Variants in PARPBP observed in about 807,000 individuals in gnomAD.
PARPBP encodes the protein PARP1 binding protein.
In PARPBP, 52 loss-of-function variants were observed where a neutral mutation model predicts 50.0. The observed-to-expected ratio is 1.04, with a 90% CI of 0.83 to 1.31. The LOEUF is 1.31. Among genes scored for constraint, PARPBP ranks in the 50% most tolerant of loss-of-function variants. PARPBP has a pLI of 0.00. For synonymous variants in PARPBP, 244 were observed against 232.1 expected (o/e 1.05, Z -0.47); for missense variants, 697 against 672.0 (o/e 1.04, Z -0.41).
chr12:102,148,530 A>T (rs1172689099), intron 3 of PARPBP, 67 bp downstream of exon 3: 2 of 610,348 alleles, frequency 3.3e-6, no homozygotes, highest in Non-Finnish European at 5.4e-6. Flanking sequence ...TTTGAATTAT[A>T]GTATCACCAG....
rs1484481323 is a variant in PARPBP, at chr12:102,165,774, T to C, written c.712T>C (p.Tyr238His). The change falls in exon 6 of 11, where the codon TAT becomes CAT. Residue 238 changes from tyrosine to histidine, a missense_variant. By Grantham distance (83) the Tyr-to-His change is moderately conservative. Transcript: ENST00000327680. ...IRTIELGGKG[Y>H]APPPSDPLRT... is the part of the protein sequence containing the mutation. ...AACAATAGAGCTTGGAGGGAAAGGA[T>C]ATGCACCACCACCATCAGATCCTTT... 1 of 1,607,882 alleles carries C rather than the reference T, an allele frequency of 6.2e-7. No individual in the cohort carries two copies. Among genetic ancestry groups the C allele is most frequent in the Non-Finnish European group, 8.5e-7 (1 of 1,175,082 alleles).
At chr12:102,164,769 C>A (rs1887965714) in intron 5 of PARPBP, 161 bp downstream of exon 5, 1 of 647,940 alleles carries the variant, frequency 1.5e-6, no homozygotes, top group Non-Finnish European at 2.7e-6. Flanking sequence ...CCATATCGTT[C>A]AAGTTTGGTA....
chr12:102,155,595 G>GGA (rs199711656), intron 4 of PARPBP, among the ~76,000 whole-genome samples: 711 of 29,156 alleles, frequency 0.024, 18 homozygotes, highest in East Asian at 0.07. Flanking sequence ...AGAGCATGGT[G>GGA]GGGGGGGGGG....
At chr12:102,153,020 T>TA (rs1188800785) in intron 3 of PARPBP, among the ~76,000 whole-genome samples, 2 of 151,174 alleles carry the variant, frequency 1.3e-5, no homozygotes, top group Non-Finnish European at 2.9e-5. Context: ...TTGATATAAA[T>TA]ATATTTGTTA....
intron 3 of PARPBP, 22 bp downstream of exon 3, chr12:102,148,485 C>A: frequency 1.1e-6 from 1 of 896,436 alleles, no homozygotes; most frequent in Non-Finnish European, 1.7e-6. Flanking sequence ...TTAAACAATT[C>A]TATTTTAATC....
intron 2 of PARPBP, among the ~76,000 whole-genome samples, chr12:102,140,481 C>T (rs1436842576): frequency 6.6e-6 from 1 of 152,114 alleles, no homozygotes; most frequent in East Asian, 1.9e-4. Context: ...GTCTCTATTT[C>T]CTTCAGTTGT....
intron 5 of PARPBP, among the ~76,000 whole-genome samples, chr12:102,164,971 A>G (rs1023746002): frequency 1.3e-5 from 2 of 152,320 alleles, no homozygotes; most frequent in East Asian, 3.9e-4. Flanking sequence ...CCATGATTGT[A>G]TATAAGAGCT....
chr12:102,176,966 A>C (rs1390639251), intron 7 of PARPBP, among the ~76,000 whole-genome samples: 1 of 152,254 alleles, frequency 6.6e-6, no homozygotes, highest in Non-Finnish European at 1.5e-5. Context: ...AATTAAAAAC[A>C]TCAATTGCTT....
chr12:102,133,859 G>A (rs1473931180), intron 2 of PARPBP, among the ~76,000 whole-genome samples: 2 of 151,904 alleles, frequency 1.3e-5, no homozygotes, highest in Admixed American at 6.6e-5. Flanking sequence ...TAACAAACAC[G>A]TGGAAATTAA....
intron 2 of PARPBP, among the ~76,000 whole-genome samples, chr12:102,132,384 A>G (rs1202517877): frequency 1.3e-5 from 2 of 152,320 alleles, no homozygotes; most frequent in East Asian, 1.9e-4. Flanking sequence ...GTAGATACCC[A>G]GTTGTCCAAC....
At chr12:102,127,245 A>C (rs1253110250) in intron 2 of PARPBP, among the ~76,000 whole-genome samples, 1 of 152,002 alleles carries the variant, frequency 6.6e-6, no homozygotes, top group African/African-American at 2.4e-5. Flanking sequence ...AAAATACAAA[A>C]ATTAGCTGGG....
intron 3 of PARPBP, chr12:102,151,696 C>T (rs1453043001): frequency 7.2e-6 from 11 of 1,535,662 alleles, no homozygotes; most frequent in South Asian, 1.2e-5. Context: ...GGGAGAGTCC[C>T]TCTTAGCATG....
chr12:102,168,552 A>G (rs958529065), intron 6 of PARPBP, among the ~76,000 whole-genome samples: 4 of 152,184 alleles, frequency 2.6e-5, no homozygotes, highest in African/African-American at 9.7e-5. Context: ...TATAAATAAA[A>G]TAAAATTATT....
rs769681697 is a variant in PARPBP, at chr12:102,178,719, A to T, written c.1133A>T (p.Asp378Val). The change falls in exon 8 of 11, where the codon GAT becomes GTT. Residue 378 changes from aspartate (D) to valine (V), a missense_variant. Coordinates refer to ENST00000327680, the MANE Select transcript of PARPBP (RefSeq NM_017915.5). ...PTKNKAELLY[D>V]EENTIHHHGT... is the part of the protein sequence containing the mutation. ...AAAAACAAAGCAGAGCTTTTATATG[A>T]TGAGGAAAACACAATCCATCATCAT... 3 of 1,613,384 alleles carry T rather than the reference A, an allele frequency of 1.9e-6. No individual in the cohort carries two copies. The South Asian group carries it at 3.3e-5, about 18-fold the overall frequency.
chr12:102,138,926 C>T (rs999964511), intron 2 of PARPBP, among the ~76,000 whole-genome samples: 1 of 152,156 alleles, frequency 6.6e-6, no homozygotes, highest in Non-Finnish European at 1.5e-5. Context: ...AAGCGTGATG[C>T]CTCCAGCTTT....
intron 5 of PARPBP, 122 bp downstream of exon 5, chr12:102,164,730 T>G (rs1887958747): frequency 1.3e-6 from 1 of 788,128 alleles, no homozygotes; most frequent in South Asian, 1.5e-5. Context: ...ACCTCTGTAT[T>G]TGAAAATCCA....
chr12:102,136,696 T>C (rs1162386397), intron 2 of PARPBP, among the ~76,000 whole-genome samples: 3 of 152,154 alleles, frequency 2.0e-5, no homozygotes, highest in African/African-American at 7.2e-5. Flanking sequence ...TGCACATGTG[T>C]AGTGGTGTGG....
chr12:102,167,616 G>C (rs1317843515), intron 6 of PARPBP, among the ~76,000 whole-genome samples: 2 of 151,956 alleles, frequency 1.3e-5, no homozygotes, highest in Admixed American at 6.6e-5. Context: ...CTTTTCTTTG[G>C]GACTTTCCCA....
chr12:102,130,451 C>A (rs150630945), intron 2 of PARPBP, among the ~76,000 whole-genome samples: 3,434 of 152,048 alleles, frequency 0.023, 117 homozygotes, highest in African/African-American at 0.067. Context: ...AGTAAACAGA[C>A]AACCTACAGC....
Sources: gnomAD v4.1 joint callset for allele counts (sites outside exome capture counted in the v4.1 genomes callset) on GRCh38, gnomAD v4.1.1 for gene constraint, MANE v1.5 for transcripts, NCBI Gene and HGNC (gene_info 2026-07-23, HGNC 2026-07-21) for gene names.